The following RBFOX1 variants were observed in gnomAD, a reference collection of about 807,000 sequenced individuals.
RBFOX1 encodes the protein RNA binding protein fox-1 homolog 1.
A neutral mutation model predicts 57.7 loss-of-function variants in RBFOX1; 8 were observed. The ratio of observed to expected loss-of-function variants is 0.14; its 90% confidence interval spans 0.08 to 0.25. RBFOX1 has a LOEUF of 0.25. Among genes scored for constraint, RBFOX1 ranks in the 10% least tolerant of loss-of-function variants. The pLI is 1.00. For missense variants in RBFOX1, 611 were observed against 548.5 expected, an observed-to-expected ratio of 1.11 and a Z score of -1.14; for synonymous variants, 326 against 222.4, an observed-to-expected ratio of 1.47 and a Z score of -4.15.
intron 3 of RBFOX1, among the ~76,000 whole-genome samples, chr16:5,702,120 C>T (rs577498251): frequency 9.2e-5 from 14 of 152,128 alleles, no homozygotes; most frequent in African/African-American, 2.9e-4. Context: ...CCCATTCTCA[C>T]ACTGCTGTAA....
intron 4 of RBFOX1, among the ~76,000 whole-genome samples, chr16:5,908,149 T>C (rs2058513545): frequency 7.6e-6 from 1 of 130,738 alleles, no homozygotes; most frequent in African/African-American, 2.7e-5. Flanking sequence ...TATATACACA[T>C]ATATACACAT....
chr16:5,261,463 T>G (rs753578341), intron 1 of RBFOX1, among the ~76,000 whole-genome samples: 7 of 152,160 alleles, frequency 4.6e-5, no homozygotes, highest in Admixed American at 6.5e-5. Flanking sequence ...GGGCAGTAAT[T>G]TAGTTGGCTA....
At chr16:7,382,462 G>C (rs2097796026) in intron 4 of RBFOX1, among the ~76,000 whole-genome samples, 1 of 152,146 alleles carries the variant, frequency 6.6e-6, no homozygotes, top group Admixed American at 6.5e-5. Context: ...TTAATTAAAT[G>C]AAAGTACTTG....
intron 1 of RBFOX1, among the ~76,000 whole-genome samples, chr16:5,265,510 A>T (rs924147361): frequency 1.3e-5 from 2 of 152,222 alleles, no homozygotes; most frequent in Non-Finnish European, 1.5e-5. Flanking sequence ...ACTGATTCCC[A>T]ACTATCAGTA....
chr16:6,675,279 T>G (rs12924256), intron 3 of RBFOX1, among the ~76,000 whole-genome samples: 34,985 of 152,118 alleles, frequency 0.23, 4,256 homozygotes, highest in East Asian at 0.28. Context: ...TATTTCCATG[T>G]CTGAAAATCG....
At chr16:7,481,503 C>T (rs952950193) in intron 4 of RBFOX1, among the ~76,000 whole-genome samples, 1 of 152,206 alleles carries the variant, frequency 6.6e-6, no homozygotes, top group African/African-American at 2.4e-5. Context: ...AAGAATCTAT[C>T]ATACCTTAAT....
intron 3 of RBFOX1, among the ~76,000 whole-genome samples, chr16:6,841,432 T>G (rs1429922027): frequency 2.6e-5 from 4 of 152,194 alleles, no homozygotes; most frequent in Non-Finnish European, 5.9e-5. Flanking sequence ...CATAATTTTT[T>G]TCTTTTGTTT....
chr16:7,704,191 AG>A (rs1325271464), intron 14 of RBFOX1, among the ~76,000 whole-genome samples: 1 of 152,326 alleles, frequency 6.6e-6, no homozygotes, highest in African/African-American at 2.4e-5. Flanking sequence ...TGAATCTCCA[AG>A]CCCTCGGGTT....
Position 5,747,174 on chromosome 16 carries a change from G to T in RBFOX1, c.319-120129G>T, listed in dbSNP as rs531798239. Among the ~76,000 whole-genome samples, 4 of 152,308 alleles carry T rather than the reference G, an allele frequency of 2.6e-5. No individual in the cohort carries two copies. The East Asian group carries it at 5.8e-4, about 22-fold the overall frequency. On this transcript the variant is annotated intron_variant, in intron 3 of 19. Transcript: ENST00000641259. The stretch of plus-strand genomic sequence containing the variant: ...TTTTGGTGTTTGGTTCTGTTAAAAT[G>T]CTGGATTACATTTATTGATTTGCAT...
chr16:6,518,765 A>G (rs532718701), intron 2 of RBFOX1, among the ~76,000 whole-genome samples: 12 of 150,982 alleles, frequency 7.9e-5, no homozygotes, highest in East Asian at 4.0e-4. Context: ...CTATCCATCT[A>G]TCTATCCATC....
intron 3 of RBFOX1, among the ~76,000 whole-genome samples, chr16:6,680,184 G>T (rs970112297): frequency 6.6e-6 from 1 of 151,580 alleles, no homozygotes; most frequent in Non-Finnish European, 1.5e-5. Flanking sequence ...TAGCAATTTC[G>T]TATGGAGCTG....
intron 3 of RBFOX1, among the ~76,000 whole-genome samples, chr16:6,877,404 TG>T (rs1424614927): frequency 6.6e-6 from 1 of 152,150 alleles, no homozygotes. Context: ...TTTTCCAATA[TG>T]GACTGCATTA....
At chr16:6,664,670 T>G (rs1276807559) in intron 3 of RBFOX1, among the ~76,000 whole-genome samples, 1 of 152,210 alleles carries the variant, frequency 6.6e-6, no homozygotes, top group African/African-American at 2.4e-5. Context: ...ATGAATCCAG[T>G]GTCTGAAATT....
intron 4 of RBFOX1, among the ~76,000 whole-genome samples, chr16:5,875,351 C>G (rs145519569): frequency 6.6e-6 from 1 of 152,300 alleles, no homozygotes; most frequent in Non-Finnish European, 1.5e-5. Context: ...TGGGCTGTCT[C>G]CACTAGGAAC....
At chr16:5,524,977 C>G (rs978256711) in intron 2 of RBFOX1, among the ~76,000 whole-genome samples, 4 of 152,232 alleles carry the variant, frequency 2.6e-5, no homozygotes, top group Non-Finnish European at 5.9e-5. Context: ...ACCTTATCTA[C>G]TTTGTCCTTT....
At chr16:5,889,425 C>T (rs914958739) in intron 4 of RBFOX1, among the ~76,000 whole-genome samples, 35 of 152,210 alleles carry the variant, frequency 2.3e-4, no homozygotes, top group African/African-American at 7.7e-4. Flanking sequence ...GCATAGTATT[C>T]CATGTGTCTG....
chr16:5,733,912 C>T (rs531666444), intron 3 of RBFOX1, among the ~76,000 whole-genome samples: 51 of 152,190 alleles, frequency 3.4e-4, no homozygotes, highest in African/African-American at 1.1e-3. Context: ...CTATTCTGCC[C>T]TACCCCACCC....
intron 3 of RBFOX1, among the ~76,000 whole-genome samples, chr16:5,766,139 A>G (rs1468288792): frequency 6.6e-6 from 1 of 152,240 alleles, no homozygotes; most frequent in Non-Finnish European, 1.5e-5. Context: ...GCTGAATGCC[A>G]TCATAGATAT....
At position 6,892,115 on chromosome 16, in the gene RBFOX1, C is replaced by A. The variant is rs116228102; in HGVS notation, c.-15-159942C>A. Reference sequence around the variant, plus strand: ...TTCCTTTACAGCACGTTGACTCTTACCCAAGTCCCCAAACCCCCTGGTTGG... The same window carrying A: ...TTCCTTTACAGCACGTTGACTCTTAACCAAGTCCCCAAACCCCCTGGTTGG... On this transcript the variant is annotated intron_variant, in intron 3 of 15. Transcript: ENST00000550418. 3.8e-3 allele frequency among the ~76,000 whole-genome samples: 575 copies of A among 152,248 alleles called. 5 individuals carry two copies. Among genetic ancestry groups the A allele is most frequent in the African/African-American group, 0.013 (544 of 41,552 alleles).
Sources: gnomAD v4.1 joint callset for allele counts (sites outside exome capture counted in the v4.1 genomes callset) on GRCh38, gnomAD v4.1.1 for gene constraint, MANE v1.5 for transcripts, NCBI Gene and HGNC (gene_info 2026-07-23, HGNC 2026-07-21) for gene names.